The following ZNF568 variants were observed in gnomAD, a reference collection of about 807,000 sequenced individuals.
ZNF568 encodes p53 inhibitor of SCO2 activation.
Under a neutral mutation model 18.1 loss-of-function variants are expected in ZNF568, and 11 were observed. That is an observed-to-expected ratio of 0.61 (90% CI 0.38 to 1.00). The LOEUF (loss-of-function observed/expected upper bound fraction) is 1.00, where lower values mean the gene tolerates loss of function less well. Among genes scored for constraint, ZNF568 ranks in the 50% least tolerant of loss-of-function variants. ZNF568 has a pLI of 0.01. For synonymous variants in ZNF568, 213 were observed against 246.6 expected (o/e 0.86, Z 1.28); for missense variants, 639 against 768.2 (o/e 0.83, Z 1.99).
chr19:36,941,845 A>G (rs1050825442), intron 6 of ZNF568, among the ~76,000 whole-genome samples: 1 of 152,180 alleles, frequency 6.6e-6, no homozygotes, highest in Admixed American at 6.5e-5. Context: ...GAGAGCCAGT[A>G]GAAATGTCAG....
At chr19:36,988,704 C>T (rs1003092629) in intron 2 of ZNF568, among the ~76,000 whole-genome samples, 5 of 152,090 alleles carry the variant, frequency 3.3e-5, no homozygotes, top group South Asian at 2.1e-4. Context: ...AGATCCAAAC[C>T]ATATCAGACA....
intron 4 of ZNF568, among the ~76,000 whole-genome samples, chr19:36,932,149 C>T (rs144344569): frequency 2.0e-5 from 3 of 152,116 alleles, no homozygotes; most frequent in African/African-American, 7.2e-5. Context: ...ATTCATTTCC[C>T]CTTTTAGGCT....
chr19:36,956,815 C>A (rs1251138617), downstream of ZNF568, among the ~76,000 whole-genome samples: 1 of 152,000 alleles, frequency 6.6e-6, no homozygotes, highest in Non-Finnish European at 1.5e-5. Context: ...CTAGGCTGGT[C>A]TTGAACTCCT....
At chr19:36,957,385 C>T (rs1260359056), downstream of ZNF568, among the ~76,000 whole-genome samples, 2 of 151,998 alleles carry the variant, frequency 1.3e-5, no homozygotes, top group Non-Finnish European at 2.9e-5. Flanking sequence ...GCGCCTGCCA[C>T]CATGGCTGGC....
chr19:36,947,283 G>T (rs2073983555), intron 6 of ZNF568, among the ~76,000 whole-genome samples: 1 of 152,162 alleles, frequency 6.6e-6, no homozygotes, highest in Non-Finnish European at 1.5e-5. Flanking sequence ...CAAAGTGCGG[G>T]GATTACAGGT....
In ZNF568 at chr19:36,922,675, G is replaced by A. The variant is rs1049174652; in HGVS notation, c.-96G>A. The A allele has an allele frequency of 5.3e-5, 53 of 997,392 alleles. No individual in the cohort carries two copies. Among genetic ancestry groups the A allele is most frequent in the Non-Finnish European group, 7.8e-5 (51 of 652,998 alleles). 61.8% of individuals were successfully genotyped at this position (997,392 alleles called of 1,614,324 possible). On this transcript the variant is annotated 5_prime_UTR_variant, in exon 3 of 7. Transcript: ENST00000333987. ...TATCATGGAAGGAGACCTGACCTGAGACCTGCCTTAGAGGCTGGAGAGTCC... is the reference window on the plus strand; with the variant it reads ...TATCATGGAAGGAGACCTGACCTGAAACCTGCCTTAGAGGCTGGAGAGTCC...
chr19:36,928,100 G>T lies in ZNF568; in HGVS notation c.135+2842G>T, dbSNP rs546648706. Among the ~76,000 whole-genome samples the T allele has an allele frequency of 4.7e-5, 7 of 150,046 alleles. No individual in the cohort carries two copies. The South Asian group carries it at 1.5e-3, about 32-fold the overall frequency. On this transcript the variant is annotated intron_variant, in intron 4 of 6. Coordinates refer to ENST00000333987, the MANE Select transcript of ZNF568 (RefSeq NM_198539.4). ...TGGCTAAGTTTTTGCATTTTTAGTA[G>T]AGATAGGGTTTCGCCATGTTGGCCA...
downstream of ZNF568, among the ~76,000 whole-genome samples, chr19:36,955,361 C>T (rs1186510191): frequency 7.3e-6 from 1 of 137,248 alleles, no homozygotes; most frequent in Non-Finnish European, 1.6e-5. Flanking sequence ...CCACTTAAGG[C>T]CCATAAGGAC....
intron 7 of ZNF568, among the ~76,000 whole-genome samples, chr19:36,975,949 C>T (rs2074281781): frequency 6.6e-6 from 1 of 152,090 alleles, no homozygotes; most frequent in Non-Finnish European, 1.5e-5. Flanking sequence ...CTGCCTCGGC[C>T]TCCCAAAGTG....
intron 6 of ZNF568, among the ~76,000 whole-genome samples, chr19:36,960,110 C>CTTTTTTTTTT (rs34588591): frequency 2.3e-5 from 2 of 87,664 alleles, no homozygotes; most frequent in Non-Finnish European, 4.3e-5. Context: ...AATTGTTCTA[C>CTTTTTTTTTT]TTTTTTTTTT....
chr19:36,981,269 T>C (rs1016216), downstream of ZNF568, among the ~76,000 whole-genome samples: 81,699 of 152,074 alleles, frequency 0.54, 22,488 homozygotes, highest in African/African-American at 0.62. Flanking sequence ...ATGCCTCTAC[T>C]ATGGTCCTGT....
chr19:36,956,619 A>G (rs1003036032), downstream of ZNF568, among the ~76,000 whole-genome samples: 1 of 150,964 alleles, frequency 6.6e-6, no homozygotes, highest in Non-Finnish European at 1.5e-5. Flanking sequence ...TTTTTTTGAG[A>G]CAGGGTGTCA....
Position 36,932,274 on chromosome 19 carries a change from A to G in ZNF568, c.136-4472A>G, listed in dbSNP as rs544788438. ...AATTGCTAGATCATATGGCAACTCT[A>G]TGCTTAACCTTTTAAAGAATTGCCC... On this transcript the variant is annotated intron_variant, in intron 4 of 6. Coordinates refer to ENST00000333987, the MANE Select transcript of ZNF568 (RefSeq NM_198539.4). Among the ~76,000 whole-genome samples the G allele has an allele frequency of 2.0e-4, 31 of 152,282 alleles. No individual in the cohort carries two copies. In the East Asian group the frequency reaches 5.0e-3, roughly 25 times the overall value.
At chr19:36,927,887 T>A (rs945996390) in intron 4 of ZNF568, among the ~76,000 whole-genome samples, 82 of 38,986 alleles carry the variant, frequency 2.1e-3, no homozygotes, top group East Asian at 5.0e-3. Context: ...TATATATATA[T>A]TATATATATA....
intron 2 of ZNF568, among the ~76,000 whole-genome samples, chr19:36,987,908 C>T (rs1555740018): frequency 1.3e-5 from 2 of 150,032 alleles, no homozygotes; most frequent in Non-Finnish European, 3.0e-5. Flanking sequence ...CTTTGGGGAC[C>T]TTGAGGTCAG....
chr19:36,997,627 C>T, downstream of ZNF568: 1 of 1,503,458 alleles, frequency 6.7e-7, no homozygotes. Context: ...TGGTGAGAAA[C>T]CATATGAATG....
Position 36,932,041 on chromosome 19 carries a change from T to C in ZNF568, c.136-4705T>C, listed in dbSNP as rs1314958992. Among the ~76,000 whole-genome samples the C allele has an allele frequency of 3.3e-5, 5 of 152,368 alleles. No homozygotes were observed. The East Asian group carries it at 9.6e-4, about 29-fold the overall frequency. ...CTTAGCATTATGTTTTCAAGTTTCA[T>C]GCATTTTGTAGCTTGTACGAGTACT... On this transcript the variant is annotated intron_variant, in intron 4 of 6. Coordinates refer to ENST00000333987, the MANE Select transcript of ZNF568 (RefSeq NM_198539.4).
At chr19:36,987,768 G>GACA (rs2074388265) in intron 2 of ZNF568, among the ~76,000 whole-genome samples, 1 of 151,674 alleles carries the variant, frequency 6.6e-6, no homozygotes, top group Non-Finnish European at 1.5e-5. Context: ...ATTCAAGAAA[G>GACA]ACAAAGGTTT....
intron 4 of ZNF568, among the ~76,000 whole-genome samples, chr19:36,995,859 T>A (rs577099238): frequency 6.6e-6 from 1 of 152,326 alleles, no homozygotes; most frequent in Admixed American, 6.5e-5. Context: ...ACTATTATTG[T>A]CATACAAATT....
Sources: gnomAD v4.1 joint callset for allele counts (sites outside exome capture counted in the v4.1 genomes callset) on GRCh38, gnomAD v4.1.1 for gene constraint, MANE v1.5 for transcripts, NCBI Gene and HGNC (gene_info 2026-07-23, HGNC 2026-07-21) for gene names.